CSGALNACT1: variants seen among roughly 807,000 people sequenced by gnomAD.
CSGALNACT1 encodes beta4GalNAcT-1.
Under a neutral mutation model 51.0 loss-of-function variants are expected in CSGALNACT1, and 52 were observed. The observed-to-expected ratio is 1.02, with a 90% CI of 0.82 to 1.29. The LOEUF is 1.29. CSGALNACT1 is among the 50% of genes most tolerant of loss of function. The pLI, the probability that CSGALNACT1 is intolerant of heterozygous loss-of-function variation, is 0.00. For missense variants in CSGALNACT1, 935 were observed against 679.2 expected, an observed-to-expected ratio of 1.38 and a Z score of -4.19; for synonymous variants, 341 against 254.4, an observed-to-expected ratio of 1.34 and a Z score of -3.24.
intron 6 of CSGALNACT1, among the ~76,000 whole-genome samples, chr8:19,430,417 G>C (rs1184712720): frequency 1.3e-5 from 2 of 152,066 alleles, no homozygotes; most frequent in Non-Finnish European, 2.9e-5. Flanking sequence ...AACAACTTTC[G>C]TTCTCTGCAC....
intron 3 of CSGALNACT1, among the ~76,000 whole-genome samples, chr8:19,540,330 T>C (rs2084801299): frequency 6.6e-6 from 1 of 152,198 alleles, no homozygotes. Flanking sequence ...GAAAACAGTA[T>C]TTATTCTTTA....
chr8:19,412,472 C>T (rs2056014613), intron 8 of CSGALNACT1, among the ~76,000 whole-genome samples: 1 of 152,212 alleles, frequency 6.6e-6, no homozygotes, highest in African/African-American at 2.4e-5. Context: ...CCGACTTGGC[C>T]ACTTGCCCAT....
intron 3 of CSGALNACT1, among the ~76,000 whole-genome samples, chr8:19,524,647 G>C (rs1000158443): frequency 1.3e-5 from 2 of 152,070 alleles, no homozygotes; most frequent in Non-Finnish European, 2.9e-5. Context: ...ATCCTGTGGA[G>C]TGGTGAGTCT....
At chr8:19,531,530 G>T (rs1264077006) in intron 3 of CSGALNACT1, among the ~76,000 whole-genome samples, 1 of 152,190 alleles carries the variant, frequency 6.6e-6, no homozygotes, top group Non-Finnish European at 1.5e-5. Flanking sequence ...TCCAAGTCCT[G>T]TTTCTAACAC....
At chr8:19,666,827 G>GAAAGAA (rs1251237429) in intron 1 of CSGALNACT1, among the ~76,000 whole-genome samples, 2 of 40,016 alleles carry the variant, frequency 5.0e-5, no homozygotes, top group Non-Finnish European at 1.0e-4. Context: ...GAGAGAGAGA[G>GAAAGAA]AGAGAGAAAG....
At chr8:19,575,484 C>A (rs1269561078) in intron 3 of CSGALNACT1, among the ~76,000 whole-genome samples, 1 of 152,200 alleles carries the variant, frequency 6.6e-6, no homozygotes. Context: ...AAATAGACAT[C>A]TTTTGGAAGT....
intron 9 of CSGALNACT1, among the ~76,000 whole-genome samples, chr8:19,406,277 T>G (rs1253263867): frequency 6.6e-6 from 1 of 152,024 alleles, no homozygotes; most frequent in Non-Finnish European, 1.5e-5. Context: ...CAGCACCGAC[T>G]TCTTCAGATG....
Position 19,506,941 on chromosome 8 carries a change from G to C in CSGALNACT1, c.-296-811C>G, listed in dbSNP as rs28722606. 9.2e-3 allele frequency among the ~76,000 whole-genome samples: 1,396 copies of C among 152,306 alleles called. 15 individuals are homozygous for C. Among genetic ancestry groups the C allele is most frequent in the African/African-American group, 0.029 (1,186 of 41,556 alleles). On this transcript the variant is annotated intron_variant, in intron 3 of 9. Transcript: ENST00000454498. ...CTTTAGAGCAGCAAGAATGAACTAA[G>C]CCTGCCAGCAGGCGTGGATGCAGCC...
At chr8:19,644,703 C>A (rs187853760) in intron 1 of CSGALNACT1, among the ~76,000 whole-genome samples, 60 of 131,890 alleles carry the variant, frequency 4.5e-4, no homozygotes, top group African/African-American at 1.7e-3. Context: ...GAGCGAGACT[C>A]CGTCTCAAAA....
exon 10 of CSGALNACT1, chr8:19,405,288 C>G (rs796155290): frequency 1.3e-5 from 6 of 453,740 alleles, no homozygotes; most frequent in African/African-American, 1.2e-4. Context: ...TTTTATTTTA[C>G]TTAATGTACT....
chr8:19,471,577 G>C (rs1028329178), intron 4 of CSGALNACT1, among the ~76,000 whole-genome samples: 7 of 152,156 alleles, frequency 4.6e-5, no homozygotes, highest in African/African-American at 1.7e-4. Context: ...AAGGACTGAA[G>C]TTGCTGTGGA....
chr8:19,724,811 G>A (rs529321730), intron 1 of CSGALNACT1, among the ~76,000 whole-genome samples: 2 of 152,176 alleles, frequency 1.3e-5, no homozygotes, highest in Admixed American at 6.5e-5. Context: ...CATCCTCTGC[G>A]TGTTGTTGCC....
At chr8:19,537,134 T>A (rs1311438187) in intron 3 of CSGALNACT1, among the ~76,000 whole-genome samples, 1 of 152,132 alleles carries the variant, frequency 6.6e-6, no homozygotes, top group African/African-American at 2.4e-5. Context: ...GCAGAATTCT[T>A]TCCTCATGAG....
At chr8:19,472,022 C>T (rs2068305871) in intron 4 of CSGALNACT1, among the ~76,000 whole-genome samples, 1 of 152,134 alleles carries the variant, frequency 6.6e-6, no homozygotes, top group African/African-American at 2.4e-5. Flanking sequence ...AATGGCAGAT[C>T]CATCTATTCC....
At chr8:19,452,866 G>C (rs1467238835) in intron 5 of CSGALNACT1, among the ~76,000 whole-genome samples, 9 of 151,886 alleles carry the variant, frequency 5.9e-5, no homozygotes, top group Middle Eastern at 6.8e-3. Context: ...TTCAACAAAG[G>C]CTGCACAAAG....
intron 9 of CSGALNACT1, among the ~76,000 whole-genome samples, chr8:19,407,172 G>C (rs948264116): frequency 1.3e-4 from 19 of 151,210 alleles, no homozygotes; most frequent in Non-Finnish European, 2.7e-4. Flanking sequence ...CCTTCCAACA[G>C]GACTTGACTT....
intron 1 of CSGALNACT1, among the ~76,000 whole-genome samples, chr8:19,671,389 C>T (rs1165206231): frequency 1.3e-5 from 2 of 152,178 alleles, no homozygotes; most frequent in African/African-American, 4.8e-5. Flanking sequence ...TGTTTTCAAG[C>T]TCCAATTACA....
intron 3 of CSGALNACT1, among the ~76,000 whole-genome samples, chr8:19,560,964 A>G (rs989597400): frequency 1.1e-4 from 17 of 152,256 alleles, no homozygotes; most frequent in African/African-American, 3.6e-4. Context: ...GCAAAATCTA[A>G]GAAGCCACAG....
intron 1 of CSGALNACT1, among the ~76,000 whole-genome samples, chr8:19,689,715 G>C (rs1411342094): frequency 2.6e-5 from 4 of 152,172 alleles, no homozygotes; most frequent in African/African-American, 9.7e-5. Context: ...TCATGCTAAA[G>C]TTCCACATCA....
Sources: allele counts gnomAD v4.1 joint callset (sites outside exome capture counted in the v4.1 genomes callset), GRCh38; gene constraint gnomAD v4.1.1; transcripts MANE v1.5; gene names NCBI Gene and HGNC (gene_info 2026-07-23, HGNC 2026-07-21).